The following DCC variants were observed in gnomAD, a reference collection of about 807,000 sequenced individuals.
DCC encodes DCC netrin 1 receptor, also known as netrin receptor DCC.
A neutral mutation model predicts 172.5 loss-of-function variants in DCC; 58 were observed. That is an observed-to-expected ratio of 0.34 (90% CI 0.27 to 0.42). The LOEUF is 0.42. Among genes scored for constraint, DCC ranks in the 10% least tolerant of loss-of-function variants. DCC has a pLI of 1.00. For missense variants in DCC, 1,740 were observed against 1,791.0 expected (o/e 0.97, Z 0.51); for synonymous variants, 709 against 644.5 (o/e 1.10, Z -1.52).
At position 53,023,401 on chromosome 18, in the gene DCC, C is replaced by CAAAAAAAAAAAAAAAA. The variant is rs869070422; in HGVS notation, c.986-39891_986-39876dup. On this transcript the variant is annotated intron_variant, in intron 5 of 28. Transcript: ENST00000442544. ...GGACAAACACATATATAACTCAGACCAAAAAAAAAAAAAAAAAAAAAAAAA... is the reference window on the plus strand; with the variant it reads ...GGACAAACACATATATAACTCAGACCAAAAAAAAAAAAAAAAAAAAAAAAAAAAAAAAAAAAAAAAA... Among the ~76,000 whole-genome samples the CAAAAAAAAAAAAAAAA allele has an allele frequency of 1.0e-3, 25 of 24,418 alleles. 3 individuals carry two copies. Among genetic ancestry groups the CAAAAAAAAAAAAAAAA allele is most frequent in the African/African-American group, 4.6e-3 (24 of 5,186 alleles). The allele number at this position is 24,418 out of a possible 152,430, so 16.0% of individuals were successfully genotyped here.
Position 52,948,182 on chromosome 18 carries a change from G to A in DCC, c.985+22812G>A, listed in dbSNP as rs569794261. On this transcript the variant is annotated intron_variant, in intron 5 of 28. Coordinates refer to ENST00000442544, the MANE Select transcript of DCC (RefSeq NM_005215.4). ...TGTGCTGTTCCATGTGATATCATGG[G>A]TATTTTATTTTTGTGTACAATAGCT... is the stretch of plus-strand genomic sequence containing the variant. Among the ~76,000 whole-genome samples, 3 of 152,208 alleles carry A rather than the reference G, an allele frequency of 2.0e-5. No individual in the cohort carries two copies. In the South Asian group the frequency reaches 6.2e-4, roughly 32 times the overall value.
At chr18:53,451,827 T>C (rs2045418547) in intron 23 of DCC, among the ~76,000 whole-genome samples, 1 of 152,132 alleles carries the variant, frequency 6.6e-6, no homozygotes. Context: ...GTGACATGTT[T>C]AGAAAGAGAA....
intron 1 of DCC, among the ~76,000 whole-genome samples, chr18:52,610,238 G>A (rs1460849123): frequency 1.0e-5 from 1 of 99,744 alleles, no homozygotes; most frequent in Admixed American, 1.2e-4. Flanking sequence ...AAATTAGCCA[G>A]ATGTGGTGGC....
chr18:53,151,837 TATTTC>T lies in DCC; in HGVS notation c.1262-5514_1262-5510del, dbSNP rs148350555. 7.7e-3 allele frequency among the ~76,000 whole-genome samples: 1,176 copies of T among 152,252 alleles called. 6 individuals carry two copies. Among genetic ancestry groups the T allele is most frequent in the Non-Finnish European group, 0.013 (857 of 67,978 alleles). On this transcript the variant is annotated intron_variant, in intron 7 of 28. Coordinates refer to ENST00000442544, the MANE Select transcript of DCC (RefSeq NM_005215.4). ...TAATGTAACATTTTAGAAAAAATAT[TATTTC>T]ATTTTAAGTTTTAATTATACACAAC...
At chr18:52,567,986 T>G (rs542980695) in intron 1 of DCC, among the ~76,000 whole-genome samples, 1 of 152,128 alleles carries the variant, frequency 6.6e-6, no homozygotes, top group Non-Finnish European at 1.5e-5. Context: ...CTGACTAAAG[T>G]CTGTAGTTTA....
intron 1 of DCC, among the ~76,000 whole-genome samples, chr18:52,604,673 G>A (rs2034095298): frequency 6.6e-6 from 1 of 152,158 alleles, no homozygotes. Flanking sequence ...TCCATTTCTA[G>A]CTGCAAGGGA....
intron 2 of DCC, among the ~76,000 whole-genome samples, chr18:52,892,802 T>A (rs924097330): frequency 1.3e-5 from 2 of 152,146 alleles, no homozygotes; most frequent in Non-Finnish European, 2.9e-5. Flanking sequence ...ATATTTTGGT[T>A]TTCCATTTTC....
At chr18:52,405,709 G>T (rs1368669212) in intron 1 of DCC, among the ~76,000 whole-genome samples, 5 of 151,578 alleles carry the variant, frequency 3.3e-5, no homozygotes, top group African/African-American at 1.2e-4. Context: ...ATGCTTATGG[G>T]TAGGAAGAAT....
At chr18:53,313,278 C>T (rs1244720761) in intron 13 of DCC, among the ~76,000 whole-genome samples, 1 of 152,060 alleles carries the variant, frequency 6.6e-6, no homozygotes, top group South Asian at 2.1e-4. Context: ...CAGAGTCTCG[C>T]TCTGTGGCCC....
At chr18:52,409,928 C>T (rs992151718) in intron 1 of DCC, among the ~76,000 whole-genome samples, 4 of 152,052 alleles carry the variant, frequency 2.6e-5, no homozygotes, top group Non-Finnish European at 5.9e-5. Context: ...GTCACTGTTG[C>T]TCTTTTAAGG....
At chr18:53,489,901 G>C (rs1254163672) in intron 26 of DCC, among the ~76,000 whole-genome samples, 1 of 151,292 alleles carries the variant, frequency 6.6e-6, no homozygotes, top group Non-Finnish European at 1.5e-5. Flanking sequence ...GTTATCCCTA[G>C]GGAACAGTTT....
At chr18:52,433,660 T>C (rs1481952411) in intron 1 of DCC, among the ~76,000 whole-genome samples, 1 of 152,220 alleles carries the variant, frequency 6.6e-6, no homozygotes, top group Non-Finnish European at 1.5e-5. Flanking sequence ...GTTATAAAGA[T>C]ATTGTAGTAT....
intron 5 of DCC, among the ~76,000 whole-genome samples, chr18:52,970,238 A>AT (rs1345607300): frequency 3.3e-5 from 5 of 152,028 alleles, no homozygotes; most frequent in Non-Finnish European, 7.4e-5. Context: ...ATTAATCACT[A>AT]TTTTTCTAAC....
At chr18:52,622,071 A>G (rs1284326991) in intron 1 of DCC, among the ~76,000 whole-genome samples, 1 of 152,208 alleles carries the variant, frequency 6.6e-6, no homozygotes, top group African/African-American at 2.4e-5. Context: ...CATCGAACAT[A>G]AAAGAAAGAG....
chr18:53,422,079 A>C (rs373225506), intron 21 of DCC, among the ~76,000 whole-genome samples: 1 of 152,262 alleles, frequency 6.6e-6, no homozygotes, highest in East Asian at 1.9e-4. Context: ...TTATAAGGAA[A>C]AGCACTCAGA....
chr18:53,317,052 T>C (rs13313703), intron 13 of DCC, among the ~76,000 whole-genome samples: 15,684 of 152,294 alleles, frequency 0.1, 863 homozygotes, highest in Middle Eastern at 0.19. Context: ...CTTCCAGCTT[T>C]TGCCCATGCA....
chr18:52,700,200 ATACACACATGCACATGTG>A (rs1331919000), intron 1 of DCC, among the ~76,000 whole-genome samples: 3 of 121,508 alleles, frequency 2.5e-5, no homozygotes, highest in East Asian at 4.7e-4. Flanking sequence ...ACACACGCAC[ATACACACATGCACATGTG>A]CACACACATG....
intron 5 of DCC, among the ~76,000 whole-genome samples, chr18:52,945,507 A>C (rs2040529967): frequency 6.6e-6 from 1 of 152,254 alleles, no homozygotes; most frequent in Non-Finnish European, 1.5e-5. Context: ...AGGGCATTAG[A>C]CATTTTCATT....
chr18:53,348,157 G>C (rs1274053103), intron 15 of DCC, among the ~76,000 whole-genome samples: 2 of 152,062 alleles, frequency 1.3e-5, no homozygotes, highest in African/African-American at 4.8e-5. Flanking sequence ...CTATGATCCT[G>C]TAAAATCAAA....
Sources: gnomAD v4.1 joint callset for allele counts (sites outside exome capture counted in the v4.1 genomes callset) on GRCh38, gnomAD v4.1.1 for gene constraint, MANE v1.5 for transcripts, NCBI Gene and HGNC (gene_info 2026-07-23, HGNC 2026-07-21) for gene names.